The following TSPYL1 variants were observed in gnomAD, a reference collection of about 807,000 sequenced individuals.
TSPYL1 encodes testis-specific Y-encoded-like protein 1.
A neutral mutation model predicts 20.1 loss-of-function variants in TSPYL1; 16 were observed. The ratio of observed to expected loss-of-function variants is 0.80; its 90% CI spans 0.54 to 1.21. The LOEUF (loss-of-function observed/expected upper bound fraction) is 1.21, where lower values mean the gene tolerates loss of function less well. Ranked by LOEUF, TSPYL1 falls within the 50% of genes most tolerant of loss-of-function variation. The pLI, the probability that TSPYL1 is intolerant of heterozygous loss-of-function variation, is 0.00. For synonymous variants in TSPYL1, 259 were observed against 227.1 expected (o/e 1.14, Z -1.26); for missense variants, 560 against 569.3 (o/e 0.98, Z 0.17).
rs1213598893 is a variant in TSPYL1, at chr6:116,276,502, G to A, written c.*2015C>T. On this transcript the variant is annotated 3_prime_UTR_variant, in exon 1 of 1. Coordinates refer to ENST00000368608, the MANE Select transcript of TSPYL1 (RefSeq NM_003309.4). The stretch of plus-strand genomic sequence containing the variant: ...CCGTGCCCTGCTTTCTTCTCTTTGG[G>A]ATAATGTCTATTGTGTCCATTTAAG... The A allele has an allele frequency of 6.6e-6, 1 of 152,150 alleles. No individual in the cohort carries two copies. Among genetic ancestry groups the A allele is most frequent in the African/African-American group, 2.4e-5 (1 of 41,434 alleles). The allele number at this position is 152,150 out of a possible 1,614,324, so 9.4% of individuals were successfully genotyped here. A position where few individuals can be genotyped will look rare whatever the true frequency, so the allele number is the denominator to read the frequency against.
At position 116,278,569 on chromosome 6, in the gene TSPYL1, G is replaced by T; in HGVS notation, c.1262C>A (p.Pro421Gln). The part of the protein sequence containing the change: ...REGVRRARRR[P>Q]LREPVEIPRP... Reference sequence around the variant, plus strand: ...GGGGATCTCTACAGGCTCCCTTAGCGGGCGACGTCGGGCTCTACGGACTCC... The same window carrying T: ...GGGGATCTCTACAGGCTCCCTTAGCTGGCGACGTCGGGCTCTACGGACTCC... The change falls in exon 1 of 1, where the codon CCG becomes CAG. Residue 421 changes from proline to glutamine, a missense_variant. Physicochemically the swap from Pro to Gln is moderately conservative, Grantham distance 76 (BLOSUM62 -1). Coordinates refer to ENST00000368608, the MANE Select transcript of TSPYL1 (RefSeq NM_003309.4). 1 of 1,614,158 alleles carries T rather than the reference G, an allele frequency of 6.2e-7. No individual in the cohort carries two copies. The highest frequency in any genetic ancestry group is 1.1e-5 in the South Asian group (1 of 91,080).
rs1462394002 is a variant in TSPYL1 at position 116,277,298 on chromosome 6, C to T, written c.*1219G>A. 6 of 152,646 alleles carry T rather than the reference C, an allele frequency of 3.9e-5. No homozygotes were observed. The highest frequency in any genetic ancestry group is 1.5e-5 in the Non-Finnish European group (1 of 68,044). 9.5% of individuals were successfully genotyped at this position (152,646 alleles called of 1,614,324 possible). On this transcript the variant is annotated 3_prime_UTR_variant, in exon 1 of 1. Transcript: ENST00000368608. The stretch of plus-strand genomic sequence containing the variant: ...TAACACTTTAACCCCTTCAATTCTC[C>T]CTGAAAAGTATTTTTCCATTCATCA...
rs1773053595 is a variant in TSPYL1, at chr6:116,274,886, G to A, written c.*3631C>T. Among the ~76,000 whole-genome samples the A allele has an allele frequency of 6.6e-6, 1 of 152,132 alleles. No individual in the cohort carries two copies. The highest frequency in any genetic ancestry group is 1.5e-5 in the Non-Finnish European group (1 of 68,018). ...AGTATTAACATGTTTAATTTTTACA[G>A]ATATTTTATATGCTTTCAGATATTC... On this transcript the variant is annotated 3_prime_UTR_variant, in exon 1 of 1. Coordinates refer to ENST00000368608, the MANE Select transcript of TSPYL1 (RefSeq NM_003309.4).
At position 116,278,988 on chromosome 6, in the gene TSPYL1, A is replaced by G; in HGVS notation, c.843T>C (p.Thr281=). Residue 281 remains threonine, a synonymous_variant, in exon 1 of 1, where the codon ACT becomes ACC. Transcript: ENST00000368608. ...IIQNIPGFWM[T]AFRNHPQLSA... is the part of the protein sequence containing the mutation. ...ACAACTGGGGGTGGTTTCGAAAAGC[A>G]GTCATCCAGAAGCCCGGGATATTCT... is the stretch of plus-strand genomic sequence containing the variant. 1 of 1,614,122 alleles carries G rather than the reference A, an allele frequency of 6.2e-7. No individual in the cohort carries two copies. Among genetic ancestry groups the G allele is most frequent in the Non-Finnish European group, 8.5e-7 (1 of 1,180,022 alleles).
chr6:116,278,828 G>A lies in TSPYL1; in HGVS notation c.1003C>T (p.Leu335=), dbSNP rs753912228. 38 of 1,614,018 alleles carry A rather than the reference G, an allele frequency of 2.4e-5. No individual in the cohort carries two copies. The highest frequency in any genetic ancestry group is 3.0e-5 in the Non-Finnish European group (35 of 1,180,034). Residue 335 remains leucine, a synonymous_variant, in exon 1 of 1, where the codon CTG becomes TTG. Coordinates refer to ENST00000368608, the MANE Select transcript of TSPYL1 (RefSeq NM_003309.4). Reference sequence around the variant, plus strand: ...CTTACCTCATATTCCTTGACAATCAGCTTGTTTCTGAAGTAGGGGTTTCTT... The same window carrying A: ...CTTACCTCATATTCCTTGACAATCAACTTGTTTCTGAAGTAGGGGTTTCTT... ...FRRNPYFRNK[L]IVKEYEVRSS...
Position 116,276,666 on chromosome 6 carries a change from T to G in TSPYL1, c.*1851A>C, listed in dbSNP as rs1019492743. The G allele has an allele frequency of 1.3e-5, 2 of 152,144 alleles. No individual in the cohort carries two copies. Among genetic ancestry groups the G allele is most frequent in the Admixed American group, 6.5e-5 (1 of 15,290 alleles). 9.4% of individuals were successfully genotyped at this position (152,144 alleles called of 1,614,324 possible). ...ACTTTAATGATTCCATAATTTTTAA[T>G]TAATATGAACAACTTCATTCAAGCA... On this transcript the variant is annotated 3_prime_UTR_variant, in exon 1 of 1. Transcript: ENST00000368608.
Position 116,278,516 on chromosome 6 carries a change from G to C in TSPYL1, c.*1C>G, listed in dbSNP as rs73767711. On this transcript the variant is annotated 3_prime_UTR_variant, in exon 1 of 1. Transcript: ENST00000368608. The stretch of plus-strand genomic sequence containing the variant: ...TGCAGGAGTATTCCCAAGGGCAAAT[G>C]TTAACCAGACTGGAACCCAAAGGGC... The C allele has an allele frequency of 3.5e-3, 5,613 of 1,614,000 alleles. 178 individuals are homozygous for C. In the African/African-American group the frequency reaches 0.065, roughly 19 times the overall value.
rs778839029 is a variant in TSPYL1 at position 116,279,351 on chromosome 6, G to A, written c.480C>T (p.Cys160=). 1.2e-6 allele frequency: 2 copies of A among 1,611,242 alleles called. No individual in the cohort carries two copies. The highest frequency in any genetic ancestry group is 1.3e-5 in the African/African-American group (1 of 74,894). The change falls in exon 1 of 1, where the codon TGC becomes TGT. Residue 160 remains cysteine (C), a synonymous_variant. Transcript: ENST00000368608. The part of the protein sequence containing the change: ...AEAEEVKTGK[C]ATVSAAVAER... ...CAGCCACGGCTGCTGAGACGGTGGC[G>A]CACTTTCCTGTCTTCACCTCCTCCG...
rs770717514 is a variant in TSPYL1 at position 116,278,795 on chromosome 6, C to T, written c.1036G>A (p.Gly346Ser). ...IVKEYEVRSS[G>S]RVVSLSTPII... The stretch of plus-strand genomic sequence containing the variant: ...GGAGTAGAAAGAGACACCACTCGGC[C>T]GGAGGATCTTACCTCATATTCCTTG... The change falls in exon 1 of 1, where the codon GGC (glycine) becomes AGC (serine). Residue 346 changes from glycine to serine, a missense_variant. By Grantham distance (56) the Gly-to-Ser change is moderately conservative. Coordinates refer to ENST00000368608, the MANE Select transcript of TSPYL1 (RefSeq NM_003309.4). 7 of 1,613,978 alleles carry T rather than the reference C, an allele frequency of 4.3e-6. No homozygotes were observed. The highest frequency in any genetic ancestry group is 1.1e-5 in the South Asian group (1 of 91,084).
In TSPYL1 at chr6:116,276,851, CACTT is replaced by C. The variant is rs1773166071; in HGVS notation, c.*1662_*1665del. On this transcript the variant is annotated 3_prime_UTR_variant, in exon 1 of 1. Coordinates refer to ENST00000368608, the MANE Select transcript of TSPYL1 (RefSeq NM_003309.4). ...AAGCAATTTAGGAAAAAAGATATAT[CACTT>C]ACTAAGTTGTTACCAGGGAAAATTA... 1 of 152,266 alleles carries C rather than the reference CACTT, an allele frequency of 6.6e-6. No individual in the cohort carries two copies. The allele number at this position is 152,266 out of a possible 1,614,324, so 9.4% of individuals were successfully genotyped here.
Position 116,279,844 on chromosome 6 carries a change from G to C in TSPYL1, c.-14C>G. On this transcript the variant is annotated 5_prime_UTR_variant, in exon 1 of 1. Coordinates refer to ENST00000368608, the MANE Select transcript of TSPYL1 (RefSeq NM_003309.4). ...CAGGCCGCTCATGTTGCTAACAGTC[G>C]GACCAACCGCAGGCGAACGCCCGTT... 1 of 1,613,008 alleles carries C rather than the reference G, an allele frequency of 6.2e-7. No homozygotes were observed.
chr6:116,275,256 A>G lies in TSPYL1; in HGVS notation c.*3261T>C, dbSNP rs1035760799. Reference sequence around the variant, plus strand: ...CAGTATAATCACCTTAAAATGTACAAAGTATATAAAAGGTAACCCAAAATT... The same window carrying G: ...CAGTATAATCACCTTAAAATGTACAGAGTATATAAAAGGTAACCCAAAATT... On this transcript the variant is annotated 3_prime_UTR_variant, in exon 1 of 1. Coordinates refer to ENST00000368608, the MANE Select transcript of TSPYL1 (RefSeq NM_003309.4). 1.3e-5 allele frequency among the ~76,000 whole-genome samples: 2 copies of G among 152,224 alleles called. No individual in the cohort carries two copies. The highest frequency in any genetic ancestry group is 2.9e-5 in the Non-Finnish European group (2 of 68,034).
Position 116,275,429 on chromosome 6 carries a change from G to T in TSPYL1, c.*3088C>A, listed in dbSNP as rs1773087930. ...CCATTTGCTCATTAAATCTTTCTGAGAACTAGGTTATTTTGTTCTTTTTCC... is the reference window on the plus strand; with the variant it reads ...CCATTTGCTCATTAAATCTTTCTGATAACTAGGTTATTTTGTTCTTTTTCC... On this transcript the variant is annotated 3_prime_UTR_variant, in exon 1 of 1. Transcript: ENST00000368608. Among the ~76,000 whole-genome samples the T allele has an allele frequency of 6.6e-6, 1 of 152,190 alleles. No homozygotes were observed. Among genetic ancestry groups the T allele is most frequent in the African/African-American group, 2.4e-5 (1 of 41,444 alleles).
At position 116,275,673 on chromosome 6, in the gene TSPYL1, G is replaced by A. The variant is rs1562195453; in HGVS notation, c.*2844C>T. On this transcript the variant is annotated 3_prime_UTR_variant, in exon 1 of 1. Transcript: ENST00000368608. ...AAATTAGCCGGGCGTGGTAGCACGTGCCTGTAGTCCCAGCTACTCGGGAGG... is the reference window on the plus strand; with the variant it reads ...AAATTAGCCGGGCGTGGTAGCACGTACCTGTAGTCCCAGCTACTCGGGAGG... Among the ~76,000 whole-genome samples, 1 of 152,186 alleles carries A rather than the reference G, an allele frequency of 6.6e-6. No homozygotes were observed. Among genetic ancestry groups the A allele is most frequent in the South Asian group, 2.1e-4 (1 of 4,824 alleles).
In TSPYL1 at chr6:116,279,607, G is replaced by A. The variant is rs745570721; in HGVS notation, c.224C>T (p.Ala75Val). 5.6e-6 allele frequency: 9 copies of A among 1,602,172 alleles called. No homozygotes were observed. The Admixed American group carries it at 1.2e-4, about 21-fold the overall frequency. The stretch of plus-strand genomic sequence containing the variant: ...GATCTGGGGAGTACCGCCACGGCCC[G>A]CGGCATCCTGGGGTACGCCCCCCTC... ...SEEGGVPQDAAGRGGTPQIRV... is the reference protein window; with the variant it reads ...SEEGGVPQDAVGRGGTPQIRV... Residue 75 changes from alanine (A) to valine (V), a missense_variant, in exon 1 of 1, where the codon GCG becomes GTG. By Grantham distance (64) the Ala-to-Val change is moderately conservative. Transcript: ENST00000368608.
In TSPYL1 at chr6:116,278,608, T is replaced by G; in HGVS notation, c.1223A>C (p.Tyr408Ser). Residue 408 changes from tyrosine (Y) to serine (S), a missense_variant, in exon 1 of 1, where the codon TAC becomes TCC. Physicochemically the swap from Tyr to Ser is moderately radical, Grantham distance 144. Transcript: ENST00000368608. ...TCTACGGACTCCTTCACGCAACAGG[T>G]AGTATTGCAGTGGATTTGGCCACAG... ...EDLWPNPLQYYLLREGVRRAR... is the reference protein window; with the variant it reads ...EDLWPNPLQYSLLREGVRRAR... The G allele has an allele frequency of 1.2e-6, 2 of 1,614,108 alleles. No individual in the cohort carries two copies. The highest frequency in any genetic ancestry group is 1.7e-6 in the Non-Finnish European group (2 of 1,180,026).
Position 116,278,082 on chromosome 6 carries a change from CGTCCAGTAACT to C in TSPYL1, c.*424_*434del, listed in dbSNP as rs1562196913. The C allele has an allele frequency of 5.3e-6, 1 of 187,498 alleles. No homozygotes were observed. The highest frequency in any genetic ancestry group is 2.4e-5 in the African/African-American group (1 of 42,450). The allele number at this position is 187,498 out of a possible 1,614,324, so 11.6% of individuals were successfully genotyped here. ...TGCTTTTCTCCTCTGAGTTCATTAA[CGTCCAGTAACT>C]GTCCACAGGGCATGTGCCCATACTG... is the stretch of plus-strand genomic sequence containing the variant. On this transcript the variant is annotated 3_prime_UTR_variant, in exon 1 of 1. Coordinates refer to ENST00000368608, the MANE Select transcript of TSPYL1 (RefSeq NM_003309.4).
In TSPYL1 at chr6:116,279,352, C is replaced by T. The variant is rs745917630; in HGVS notation, c.479G>A (p.Cys160Tyr). The change falls in exon 1 of 1, where the codon TGC (cysteine) becomes TAC (tyrosine). Residue 160 changes from cysteine (C) to tyrosine (Y), a missense_variant. Physicochemically the swap from Cys to Tyr is radical, Grantham distance 194. Coordinates refer to ENST00000368608, the MANE Select transcript of TSPYL1 (RefSeq NM_003309.4). ...AEAEEVKTGK[C>Y]ATVSAAVAER... Reference sequence around the variant, plus strand: ...AGCCACGGCTGCTGAGACGGTGGCGCACTTTCCTGTCTTCACCTCCTCCGC... The same window carrying T: ...AGCCACGGCTGCTGAGACGGTGGCGTACTTTCCTGTCTTCACCTCCTCCGC... 12 of 1,611,590 alleles carry T rather than the reference C, an allele frequency of 7.4e-6. No individual in the cohort carries two copies. Among genetic ancestry groups the T allele is most frequent in the Non-Finnish European group, 1.0e-5 (12 of 1,180,016 alleles).
At position 116,276,409 on chromosome 6, in the gene TSPYL1, AG is replaced by A. The variant is rs921956469; in HGVS notation, c.*2107del. Among the ~76,000 whole-genome samples the A allele has an allele frequency of 6.6e-6, 1 of 152,200 alleles. No individual in the cohort carries two copies. The highest frequency in any genetic ancestry group is 1.5e-5 in the Non-Finnish European group (1 of 68,032). On this transcript the variant is annotated 3_prime_UTR_variant, in exon 1 of 1. Coordinates refer to ENST00000368608, the MANE Select transcript of TSPYL1 (RefSeq NM_003309.4). ...GTGCTGCATAAACTACATGGAAAAA[AG>A]TGATTGAGTAAGCAGTTGCAACTGC...
Sources: gnomAD v4.1 joint callset for allele counts (sites outside exome capture counted in the v4.1 genomes callset) on GRCh38, gnomAD v4.1.1 for gene constraint, MANE v1.5 for transcripts, NCBI Gene and HGNC (gene_info 2026-07-23, HGNC 2026-07-21) for gene names.